The following ZFP64 variants were observed in gnomAD, a reference collection of about 807,000 sequenced individuals.
ZFP64 encodes ZFP64 zinc finger protein, also known as zinc finger protein 64.
Under a neutral mutation model 51.6 loss-of-function variants are expected in ZFP64, and 14 were observed. The observed-to-expected ratio is 0.27, with a 90% CI of 0.18 to 0.42. The LOEUF is 0.42. Among genes scored for constraint, ZFP64 ranks in the 10% least tolerant of loss-of-function variants. ZFP64 has a pLI of 1.00. For synonymous variants in ZFP64, 375 were observed against 361.4 expected, an observed-to-expected ratio of 1.04 and a Z score of -0.43; for missense variants, 754 against 906.8, an observed-to-expected ratio of 0.83 and a Z score of 2.16.
chr20:52,123,139 C>T lies in ZFP64; in HGVS notation c.764-24552G>A, dbSNP rs888651914. On this transcript the variant is annotated intron_variant, in intron 5 of 8. Coordinates refer to the ZFP64 transcript ENST00000361387. ...CCGAGTAGCTAGGATTACAGGCATG[C>T]GCCACCATGCCCGACTAATTTTTGT... Among the ~76,000 whole-genome samples the T allele has an allele frequency of 4.6e-5, 7 of 151,912 alleles. No individual in the cohort carries two copies. In the South Asian group the frequency reaches 6.2e-4, roughly 14 times the overall value.
intron 5 of ZFP64, among the ~76,000 whole-genome samples, chr20:52,132,353 A>G (rs1172448109): frequency 3.9e-5 from 6 of 152,126 alleles, no homozygotes; most frequent in African/African-American, 1.4e-4. Context: ...TAGTAGAAGA[A>G]ATAAGAAAGA....
chr20:52,087,776 A>T (rs886986814), intron 8 of ZFP64, among the ~76,000 whole-genome samples: 3 of 152,184 alleles, frequency 2.0e-5, no homozygotes, highest in Non-Finnish European at 2.9e-5. Flanking sequence ...TATTGGCTGG[A>T]AACTTTGGCT....
chr20:52,135,520 C>T (rs1424937230), intron 5 of ZFP64, among the ~76,000 whole-genome samples: 1 of 152,066 alleles, frequency 6.6e-6, no homozygotes, highest in Non-Finnish European at 1.5e-5. Flanking sequence ...CGCTCTGTTG[C>T]TCAGTCTGGA....
At chr20:52,106,839 G>A (rs1395305773) in intron 5 of ZFP64, among the ~76,000 whole-genome samples, 3 of 152,218 alleles carry the variant, frequency 2.0e-5, no homozygotes, top group Non-Finnish European at 4.4e-5. Context: ...GCTCACTCCT[G>A]TAATCCCAGC....
intron 7 of ZFP64, among the ~76,000 whole-genome samples, chr20:52,094,407 A>T (rs2078961871): frequency 6.6e-6 from 1 of 152,250 alleles, no homozygotes; most frequent in Non-Finnish European, 1.5e-5. Context: ...ATAAAAATAC[A>T]AACATAAATC....
chr20:52,114,603 T>C (rs1211423469), intron 5 of ZFP64, among the ~76,000 whole-genome samples: 1 of 152,220 alleles, frequency 6.6e-6, no homozygotes, highest in Non-Finnish European at 1.5e-5. Flanking sequence ...ACTCAGAACA[T>C]CTACTGTTAG....
intron 5 of ZFP64, among the ~76,000 whole-genome samples, chr20:52,133,937 G>A (rs1237684242): frequency 2.0e-5 from 3 of 151,432 alleles, no homozygotes; most frequent in Non-Finnish European, 4.4e-5. Flanking sequence ...GCTGAGGTGG[G>A]AGGATCACCT....
At chr20:52,161,236 C>G (rs202038780) in intron 4 of ZFP64, among the ~76,000 whole-genome samples, 1 of 152,192 alleles carries the variant, frequency 6.6e-6, no homozygotes, top group East Asian at 1.9e-4. Context: ...CTGAACCTCA[C>G]TAATGCTATG....
intron 5 of ZFP64, among the ~76,000 whole-genome samples, chr20:52,136,184 A>G (rs2122895635): frequency 6.6e-6 from 1 of 152,074 alleles, no homozygotes; most frequent in East Asian, 1.9e-4. Flanking sequence ...AAGGACATCA[A>G]TTCTCAGATC....
At chr20:52,125,568 G>A (rs1376164742) in intron 5 of ZFP64, among the ~76,000 whole-genome samples, 3 of 152,184 alleles carry the variant, frequency 2.0e-5, no homozygotes, top group Non-Finnish European at 2.9e-5. Flanking sequence ...GTGCTTCCTT[G>A]GTCTTGGGTG....
intron 5 of ZFP64, among the ~76,000 whole-genome samples, chr20:52,137,807 G>A (rs1034888124): frequency 7.9e-5 from 12 of 152,086 alleles, no homozygotes; most frequent in African/African-American, 2.9e-4. Flanking sequence ...ATTTCTTAAT[G>A]GAAGATTGAG....
chr20:52,184,951 T>C (rs1983855189), intron 2 of ZFP64, among the ~76,000 whole-genome samples: 1 of 152,178 alleles, frequency 6.6e-6, no homozygotes. Context: ...TCTTGACGTA[T>C]ACATACAAAG....
At chr20:52,098,399 G>A in intron 6 of ZFP64, 1 of 1,609,232 alleles carries the variant, frequency 6.2e-7, no homozygotes. Flanking sequence ...ATCAGTGCTT[G>A]GCTCAGAAGC....
chr20:52,126,829 A>G (rs1979467021), intron 5 of ZFP64, among the ~76,000 whole-genome samples: 1 of 152,154 alleles, frequency 6.6e-6, no homozygotes, highest in African/African-American at 2.4e-5. Context: ...CCTTTAATGA[A>G]AGACACCCAT....
At chr20:52,103,442 G>A (rs1323516873) in intron 5 of ZFP64, among the ~76,000 whole-genome samples, 1 of 152,132 alleles carries the variant, frequency 6.6e-6, no homozygotes, top group Non-Finnish European at 1.5e-5. Context: ...AGTGGTGGCT[G>A]GGGTTGAGGC....
At chr20:52,144,305 C>T (rs528183906) in intron 5 of ZFP64, among the ~76,000 whole-genome samples, 1 of 141,696 alleles carries the variant, frequency 7.1e-6, no homozygotes, top group African/African-American at 2.5e-5. Context: ...TGAGGCCAGG[C>T]ATGGTGGCTC....
chr20:52,158,101 G>A (rs1981472657), intron 5 of ZFP64, among the ~76,000 whole-genome samples: 1 of 152,122 alleles, frequency 6.6e-6, no homozygotes, highest in South Asian at 2.1e-4. Context: ...CCAAGTCTTT[G>A]CTATTGTGAA....
chr20:52,138,121 C>G (rs1240065337), intron 5 of ZFP64, among the ~76,000 whole-genome samples: 1 of 151,900 alleles, frequency 6.6e-6, no homozygotes, highest in Admixed American at 6.6e-5. Flanking sequence ...GTGGGAGGAT[C>G]ACTTGGGCTG....
Position 52,191,595 on chromosome 20 carries a change from C to T in ZFP64, c.42G>A (p.Val14=), listed in dbSNP as rs1984379722. ...SSEGESFAGS[V]QIPGGTTVLV... ...TGCTCCCGGAAAAGCACTTACTTTG[C>T]ACCGAGCCCGCGAAGCTCTCGCCCT... Residue 14 remains valine (V), a synonymous_variant, in exon 1 of 6, where the codon GTG becomes GTA. Coordinates refer to ENST00000216923, the MANE Select transcript of ZFP64 (RefSeq NM_018197.3). This position sits in a 1 kb window ranked among gnomAD's most constrained non-coding sequence, Gnocchi z 4.3. The T allele has an allele frequency of 6.3e-7, 1 of 1,589,176 alleles. No homozygotes were observed. Among genetic ancestry groups the T allele is most frequent in the Non-Finnish European group, 8.5e-7 (1 of 1,170,774 alleles).
Sources: gnomAD v4.1 joint callset for allele counts (sites outside exome capture counted in the v4.1 genomes callset) on GRCh38, gnomAD v4.1.1 for gene constraint, Gnocchi (gnomAD v3.1) non-coding constraint, MANE v1.5 for transcripts, NCBI Gene and HGNC (gene_info 2026-07-23, HGNC 2026-07-21) for gene names.